The following PTK2 variants were observed in gnomAD, a reference collection of about 807,000 sequenced individuals.
The protein encoded by PTK2 is protein tyrosine kinase 2.
A neutral mutation model predicts 150.1 loss-of-function variants in PTK2; 45 were observed. The ratio of observed to expected loss-of-function variants is 0.30; its 90% CI spans 0.24 to 0.38. The LOEUF (loss-of-function observed/expected upper bound fraction) is 0.38, where lower values mean the gene tolerates loss of function less well. PTK2 is among the 10% of genes least tolerant of loss of function. PTK2 has a pLI of 1.00. For synonymous variants in PTK2, 432 were observed against 449.2 expected, an observed-to-expected ratio of 0.96 and a Z score of 0.48; for missense variants, 919 against 1,307.3, an observed-to-expected ratio of 0.70 and a Z score of 4.58.
At chr8:140,736,320 C>A (rs1256711522) in intron 21 of PTK2, among the ~76,000 whole-genome samples, 2 of 152,072 alleles carry the variant, frequency 1.3e-5, no homozygotes, top group Non-Finnish European at 2.9e-5. Context: ...GATCTAAACC[C>A]TGGATACATA....
chr8:140,837,092 A>C (rs76691096), intron 7 of PTK2, among the ~76,000 whole-genome samples: 1,833 of 152,268 alleles, frequency 0.012, 12 homozygotes, highest in Non-Finnish European at 0.02. Context: ...TTTTCTTAAA[A>C]CATTTGACCT....
At chr8:140,800,434 G>A in intron 12 of PTK2, 25 bp downstream of exon 12, 1 of 1,565,532 alleles carries the variant, frequency 6.4e-7, no homozygotes, top group Non-Finnish European at 8.8e-7. Context: ...AGCGCAATTG[G>A]GAATGCTCAG....
At chr8:140,869,023 C>T (rs1423448982) in intron 4 of PTK2, among the ~76,000 whole-genome samples, 1 of 152,040 alleles carries the variant, frequency 6.6e-6, no homozygotes, top group Non-Finnish European at 1.5e-5. Flanking sequence ...TTTCTGTGTA[C>T]TATTTTGCAA....
intron 27 of PTK2, among the ~76,000 whole-genome samples, chr8:140,677,136 G>A (rs1328170600): frequency 6.6e-6 from 1 of 152,016 alleles, no homozygotes; most frequent in Non-Finnish European, 1.5e-5. Flanking sequence ...ACCTCTAAAG[G>A]GTTTAAAATC....
At chr8:140,941,065 A>C (rs1215391399) in intron 1 of PTK2, among the ~76,000 whole-genome samples, 1 of 152,242 alleles carries the variant, frequency 6.6e-6, no homozygotes, top group Non-Finnish European at 1.5e-5. Context: ...CAATATGAAC[A>C]GCTATCCCAA....
intron 16 of PTK2, among the ~76,000 whole-genome samples, chr8:140,759,554 A>AAAG (rs2100068092): frequency 8.3e-6 from 1 of 120,744 alleles, no homozygotes; most frequent in Non-Finnish European, 1.7e-5. Context: ...AAAAAAAAAA[A>AAAG]GAAAGAAAGA....
At chr8:140,854,732 T>G (rs1287989539) in intron 5 of PTK2, among the ~76,000 whole-genome samples, 1 of 152,222 alleles carries the variant, frequency 6.6e-6, no homozygotes, top group African/African-American at 2.4e-5. Context: ...CATCTTTTAA[T>G]GAAGCTATGT....
intron 13 of PTK2, among the ~76,000 whole-genome samples, chr8:140,793,111 C>T (rs1015822850): frequency 6.6e-6 from 1 of 152,118 alleles, no homozygotes; most frequent in Admixed American, 6.5e-5. Flanking sequence ...ACAACAGGCT[C>T]TCAACATTAT....
chr8:140,697,463 C>T lies in PTK2; in HGVS notation c.2499+3428G>A, dbSNP rs1333527685. 6.1e-5 allele frequency among the ~76,000 whole-genome samples: 9 copies of T among 148,194 alleles called. 1 individual carries two copies. In the South Asian group the frequency reaches 6.4e-4, roughly 10 times the overall value. ...GTGTGTGTGTGTGTGTGTTTTTAAA[C>T]GGAGTCTTGCTCTGTTGCCCAGGCT... is the stretch of plus-strand genomic sequence containing the variant. On this transcript the variant is annotated intron_variant, in intron 26 of 31. Transcript: ENST00000522684.
intron 3 of PTK2, among the ~76,000 whole-genome samples, chr8:140,880,819 C>T (rs1317414215): frequency 2.0e-5 from 3 of 152,156 alleles, no homozygotes; most frequent in Non-Finnish European, 4.4e-5. Flanking sequence ...AGTATATGCA[C>T]ACTGAGGATG....
intron 13 of PTK2, among the ~76,000 whole-genome samples, chr8:140,792,153 G>A (rs1323342799): frequency 2.0e-5 from 3 of 152,166 alleles, no homozygotes; most frequent in Non-Finnish European, 4.4e-5. Context: ...TTGGATTTTC[G>A]CAGAGTTGCC....
At chr8:140,962,872 GT>G (rs2100183851) in intron 1 of PTK2, among the ~76,000 whole-genome samples, 1 of 150,748 alleles carries the variant, frequency 6.6e-6, no homozygotes, top group South Asian at 2.1e-4. Flanking sequence ...GCCCTTGTAG[GT>G]CCCCCCCCCC....
intron 27 of PTK2, among the ~76,000 whole-genome samples, chr8:140,679,597 AG>A (rs1464048104): frequency 6.6e-6 from 1 of 152,156 alleles, no homozygotes; most frequent in African/African-American, 2.4e-5. Context: ...CAGAGCTGTT[AG>A]GGGCTTTGGT....
chr8:140,774,934 G>C (rs1566089877), intron 14 of PTK2, among the ~76,000 whole-genome samples: 1 of 152,172 alleles, frequency 6.6e-6, no homozygotes, highest in African/African-American at 2.4e-5. Flanking sequence ...CTCTTTCCCA[G>C]AAAACTCACT....
chr8:140,730,959 C>CG (rs71308988), intron 22 of PTK2, among the ~76,000 whole-genome samples: 1 of 141,736 alleles, frequency 7.1e-6, no homozygotes, highest in East Asian at 2.2e-4. Flanking sequence ...TTAAACCCCC[C>CG]CCCCCCTTTT....
At chr8:140,671,495 C>T (rs2095401894) in intron 29 of PTK2, among the ~76,000 whole-genome samples, 1 of 152,206 alleles carries the variant, frequency 6.6e-6, no homozygotes, top group Non-Finnish European at 1.5e-5. Flanking sequence ...GTTGGAATTA[C>T]AGGCGTGAGC....
intron 23 of PTK2, among the ~76,000 whole-genome samples, chr8:140,711,441 TG>T (rs2100036826): frequency 6.6e-6 from 1 of 152,202 alleles, no homozygotes; most frequent in Non-Finnish European, 1.5e-5. Context: ...CTCAATTTTA[TG>T]TAAGTAAAAC....
intron 18 of PTK2, among the ~76,000 whole-genome samples, chr8:140,745,602 C>T (rs1489382072): frequency 6.6e-6 from 1 of 152,176 alleles, no homozygotes; most frequent in African/African-American, 2.4e-5. Context: ...TGGGATGGGG[C>T]ACAAGAACTT....
chr8:140,837,904 C>CA (rs1448035220), intron 7 of PTK2, among the ~76,000 whole-genome samples: 6 of 151,236 alleles, frequency 4.0e-5, no homozygotes, highest in African/African-American at 7.3e-5. Context: ...ACTAAAAATA[C>CA]AAAAAAAATT....
Sources: allele counts gnomAD v4.1 joint callset (sites outside exome capture counted in the v4.1 genomes callset), GRCh38; gene constraint gnomAD v4.1.1; transcripts MANE v1.5; gene names NCBI Gene and HGNC (gene_info 2026-07-23, HGNC 2026-07-21).